RBMS3: variants seen among roughly 807,000 people sequenced by gnomAD.
RBMS3 encodes the protein RNA binding motif single stranded interacting protein 3.
In RBMS3, 27 loss-of-function variants were observed where a neutral mutation model predicts 66.8. That is an observed-to-expected ratio of 0.40 (90% CI 0.30 to 0.56). The LOEUF (loss-of-function observed/expected upper bound fraction) is 0.56. Among genes scored for constraint, RBMS3 ranks in the 20% least tolerant of loss-of-function variants. RBMS3 has a pLI of 0.40. For missense variants in RBMS3, 513 were observed against 549.5 expected (o/e 0.93, Z 0.66); for synonymous variants, 188 against 183.0 (o/e 1.03, Z -0.22).
chr3:29,585,330 G>A (rs2047479925), intron 3 of RBMS3, among the ~76,000 whole-genome samples: 1 of 152,064 alleles, frequency 6.6e-6, no homozygotes. Context: ...TGCCATTTAA[G>A]GAATTTTCAA....
In RBMS3 at chr3:29,524,575, G is replaced by A. The variant is rs1026170624; in HGVS notation, c.307+36076G>A. 4.0e-5 allele frequency among the ~76,000 whole-genome samples: 6 copies of A among 151,538 alleles called. No homozygotes were observed. The East Asian group carries it at 7.8e-4, about 20-fold the overall frequency. On this transcript the variant is annotated intron_variant, in intron 3 of 14. Transcript: ENST00000383767. The stretch of plus-strand genomic sequence containing the variant: ...CCTGAATAGCTGGGATTACAGGTGC[G>A]AACCACTGCGCCCAGCCAACTTTTG...
chr3:29,759,423 C>G (rs2055565667), intron 5 of RBMS3, among the ~76,000 whole-genome samples: 1 of 152,096 alleles, frequency 6.6e-6, no homozygotes, highest in African/African-American at 2.4e-5. Flanking sequence ...GAATGGTTGG[C>G]CTGGCACTCA....
chr3:29,441,977 A>G (rs923747680), intron 2 of RBMS3, among the ~76,000 whole-genome samples: 2 of 152,170 alleles, frequency 1.3e-5, no homozygotes, highest in Non-Finnish European at 2.9e-5. Flanking sequence ...TGATTTTCTG[A>G]TAACAAACTG....
rs35719227 is a variant in RBMS3, at chr3:29,479,795, G to C, written c.249-8646G>C. On this transcript the variant is annotated intron_variant, in intron 2 of 14. Transcript: ENST00000383767. Reference sequence around the variant, plus strand: ...ATCTCTAAGCCAACCTTAAAAAATTGGGAAATATTGCCTAAAAATCAAGGT... The same window carrying C: ...ATCTCTAAGCCAACCTTAAAAAATTCGGAAATATTGCCTAAAAATCAAGGT... 7.3e-3 allele frequency among the ~76,000 whole-genome samples: 1,115 copies of C among 152,136 alleles called. 10 individuals carry two copies. Among genetic ancestry groups the C allele is most frequent in the Non-Finnish European group, 9.9e-3 (676 of 68,016 alleles).
chr3:29,856,202 T>A (rs1231367062), intron 6 of RBMS3, among the ~76,000 whole-genome samples: 1 of 152,238 alleles, frequency 6.6e-6, no homozygotes, highest in East Asian at 1.9e-4. Flanking sequence ...TCCCAATGAA[T>A]TTTGAATGAA....
At chr3:29,704,171 C>A (rs985352694) in intron 4 of RBMS3, among the ~76,000 whole-genome samples, 16 of 152,144 alleles carry the variant, frequency 1.1e-4, no homozygotes, top group African/African-American at 3.9e-4. Context: ...ATAAACTGCA[C>A]AATAAACGTA....
intron 10 of RBMS3, among the ~76,000 whole-genome samples, chr3:29,915,557 T>C (rs1347331122): frequency 6.6e-6 from 1 of 151,896 alleles, no homozygotes; most frequent in Non-Finnish European, 1.5e-5. Flanking sequence ...TATGCCCGTA[T>C]CTCCAGACAA....
At chr3:29,817,102 A>G (rs1308939942) in intron 6 of RBMS3, among the ~76,000 whole-genome samples, 4 of 152,100 alleles carry the variant, frequency 2.6e-5, no homozygotes. Flanking sequence ...AAAAATAAAT[A>G]AGGAAAAAAG....
intron 1 of RBMS3, among the ~76,000 whole-genome samples, chr3:29,401,623 G>A (rs564843068): frequency 2.0e-5 from 3 of 152,178 alleles, no homozygotes; most frequent in South Asian, 2.1e-4. Flanking sequence ...AGTGCTAGTC[G>A]CTTTGGTGTC....
intron 4 of RBMS3, among the ~76,000 whole-genome samples, chr3:29,639,933 AAAG>A (rs1476575898): frequency 2.6e-5 from 4 of 151,928 alleles, no homozygotes; most frequent in Non-Finnish European, 4.4e-5. Flanking sequence ...GATATAAAAA[AAAG>A]AAGGATATCT....
intron 1 of RBMS3, among the ~76,000 whole-genome samples, chr3:29,328,677 T>A (rs1240243904): frequency 3.3e-5 from 5 of 152,188 alleles, no homozygotes; most frequent in Non-Finnish European, 5.9e-5. Flanking sequence ...TAATGAGAGC[T>A]CAGGTCTTCC....
In RBMS3 at chr3:29,974,735, G is replaced by A. The variant is rs1697444999; in HGVS notation, c.1099-13408G>A. ...CCTTCTTTAATTCAACATTGTATCT[G>A]TGAGACCCATCCATATTTATAGAGC... is the stretch of plus-strand genomic sequence containing the variant. On this transcript the variant is annotated intron_variant, in intron 12 of 14. Transcript: ENST00000383767. 2.0e-5 allele frequency among the ~76,000 whole-genome samples: 3 copies of A among 149,624 alleles called. No homozygotes were observed. In the Admixed American group the frequency reaches 2.0e-4, roughly 10 times the overall value.
At chr3:29,446,509 GGT>G (rs1451575042) in intron 2 of RBMS3, among the ~76,000 whole-genome samples, 1 of 151,746 alleles carries the variant, frequency 6.6e-6, no homozygotes, top group Non-Finnish European at 1.5e-5. Flanking sequence ...ATAGTACACT[GGT>G]ATATTTTACA....
chr3:29,572,894 T>C (rs1275944853), intron 3 of RBMS3, among the ~76,000 whole-genome samples: 1 of 152,356 alleles, frequency 6.6e-6, no homozygotes, highest in African/African-American at 2.4e-5. Flanking sequence ...TGTTGGGTCC[T>C]GGGTTTTCCT....
At chr3:29,321,681 T>C (rs534901930) in intron 1 of RBMS3, among the ~76,000 whole-genome samples, 53 of 152,288 alleles carry the variant, frequency 3.5e-4, no homozygotes, top group African/African-American at 1.1e-3. Context: ...TTCCATATAC[T>C]TCTTGCATTT....
intron 6 of RBMS3, among the ~76,000 whole-genome samples, chr3:29,844,299 C>T (rs1445000559): frequency 2.0e-5 from 3 of 152,044 alleles, no homozygotes; most frequent in Admixed American, 2.0e-4. Context: ...TGGGGACCTG[C>T]ACAATCCATG....
intron 1 of RBMS3, among the ~76,000 whole-genome samples, chr3:29,365,220 A>T (rs2037830791): frequency 6.6e-6 from 1 of 152,132 alleles, no homozygotes. Context: ...GAAATTTTAT[A>T]AATGGAATAA....
chr3:29,760,968 A>C (rs998851418), intron 5 of RBMS3, among the ~76,000 whole-genome samples: 2 of 152,064 alleles, frequency 1.3e-5, no homozygotes, highest in Non-Finnish European at 2.9e-5. Context: ...ATGTGGATCC[A>C]TTGGGTCACC....
intron 6 of RBMS3, among the ~76,000 whole-genome samples, chr3:29,790,940 A>G (rs2149426521): frequency 6.6e-6 from 1 of 152,256 alleles, no homozygotes; most frequent in South Asian, 2.1e-4. Context: ...CACTCTGCAG[A>G]CCCATTCTAT....
Sources: allele counts gnomAD v4.1 joint callset (sites outside exome capture counted in the v4.1 genomes callset), GRCh38; gene constraint gnomAD v4.1.1; transcripts MANE v1.5; gene names NCBI Gene and HGNC (gene_info 2026-07-23, HGNC 2026-07-21).